FMN2: variants seen among roughly 807,000 people sequenced by gnomAD.
The protein encoded by FMN2 is formin 2.
In FMN2, 51 loss-of-function variants were observed where a neutral mutation model predicts 142.3. The observed-to-expected ratio is 0.36, with a 90% confidence interval of 0.29 to 0.45. FMN2 has a LOEUF of 0.45. Among genes scored for constraint, FMN2 ranks in the 20% least tolerant of loss-of-function variants. The probability of loss-of-function intolerance (pLI) is 1.00; values close to 1 mark genes in which losing one functional copy is unlikely to be tolerated. For missense variants in FMN2, 1,936 were observed against 2,122.8 expected, an observed-to-expected ratio of 0.91 and a Z score of 1.73; for synonymous variants, 882 against 869.8, an observed-to-expected ratio of 1.01 and a Z score of -0.25.
At chr1:240,340,276 A>G (rs750988475) in intron 13 of FMN2, among the ~76,000 whole-genome samples, 3 of 151,906 alleles carry the variant, frequency 2.0e-5, no homozygotes, top group Non-Finnish European at 2.9e-5. Flanking sequence ...GTGTGAGTGA[A>G]TGGGTGTTAA....
rs565189382 is a variant in FMN2, at chr1:240,092,723, TGCAGCAGCAGCA to T, written c.626_637del (p.Gln209_Gln212del). 2.1e-5 allele frequency: 34 copies of T among 1,612,944 alleles called. No individual in the cohort carries two copies. The African/African-American group carries it at 3.5e-4, about 16-fold the overall frequency. On this transcript the variant is annotated inframe_deletion, in exon 1 of 18. Transcript: ENST00000319653. ...TCAGACATCCAGCAGGCGATCCGCC[TGCAGCAGCAGCA>T]GCAGCAGCAGCTCCAGCTCCAGCTC...
chr1:240,226,269 A>G (rs1667294387), intron 6 of FMN2, among the ~76,000 whole-genome samples: 2 of 152,232 alleles, frequency 1.3e-5, no homozygotes, highest in African/African-American at 4.8e-5. Flanking sequence ...AAAGCTAACA[A>G]TTAAAAAGTA....
chr1:240,305,952 T>TTTTTTTTTG lies in FMN2; in HGVS notation c.4215+11077_4215+11078insGTTTTTTTT, dbSNP rs1491397076. ...TTTCTAGACTAGATATGCTTGTAAG[T>TTTTTTTTTG]TTTTTTTTTTTTTTTGAGGTGAAAT... On this transcript the variant is annotated intron_variant, in intron 8 of 17. Transcript: ENST00000319653. Among the ~76,000 whole-genome samples the TTTTTTTTTG allele has an allele frequency of 4.6e-3, 364 of 79,328 alleles. 6 individuals are homozygous for TTTTTTTTTG. The highest frequency in any genetic ancestry group is 0.014 in the African/African-American group (347 of 24,558). 52.0% of individuals were successfully genotyped at this position (79,328 alleles called of 152,430 possible).
At chr1:240,440,284 T>G (rs1489255965) in intron 16 of FMN2, among the ~76,000 whole-genome samples, 1 of 152,168 alleles carries the variant, frequency 6.6e-6, no homozygotes, top group East Asian at 1.9e-4. Flanking sequence ...TTCAGATGCT[T>G]TGCTCCCTAA....
At chr1:240,226,898 A>T (rs2103433781) in intron 6 of FMN2, among the ~76,000 whole-genome samples, 1 of 152,176 alleles carries the variant, frequency 6.6e-6, no homozygotes, top group African/African-American at 2.4e-5. Flanking sequence ...TCTGTGAAAA[A>T]CCCAGGGCTC....
At chr1:240,240,791 G>A (rs1667870438) in intron 6 of FMN2, among the ~76,000 whole-genome samples, 1 of 152,180 alleles carries the variant, frequency 6.6e-6, no homozygotes, top group Non-Finnish European at 1.5e-5. Flanking sequence ...ATATAGCTCA[G>A]CAGACTTGTA....
chr1:240,095,088 AC>A (rs1397696806), intron 1 of FMN2, among the ~76,000 whole-genome samples: 5 of 152,220 alleles, frequency 3.3e-5, no homozygotes, highest in African/African-American at 4.8e-5. Context: ...TTGTAAAAAA[AC>A]AAAAACAAAA....
intron 1 of FMN2, among the ~76,000 whole-genome samples, chr1:240,108,342 C>T (rs939515810): frequency 6.6e-6 from 1 of 152,176 alleles, no homozygotes; most frequent in Admixed American, 6.5e-5. Context: ...GGACCTAAAA[C>T]TAGACATGGT....
In FMN2 at chr1:240,114,856, C is replaced by T. The variant is rs185633957; in HGVS notation, c.1616-8323C>T. 2.3e-3 allele frequency among the ~76,000 whole-genome samples: 357 copies of T among 152,146 alleles called. 1 individual carries two copies. Among genetic ancestry groups the T allele is most frequent in the African/African-American group, 8.5e-3 (352 of 41,512 alleles). On this transcript the variant is annotated intron_variant, in intron 1 of 17. Coordinates refer to ENST00000319653, the MANE Select transcript of FMN2 (RefSeq NM_020066.5). Reference sequence around the variant, plus strand: ...TATTTTTAGTAGAGATGGGGTTTCACCATGTTGGCCAGGATGGTCTCGATC... The same window carrying T: ...TATTTTTAGTAGAGATGGGGTTTCATCATGTTGGCCAGGATGGTCTCGATC...
At chr1:240,109,768 C>T (rs868080613) in intron 1 of FMN2, among the ~76,000 whole-genome samples, 2 of 152,132 alleles carry the variant, frequency 1.3e-5, no homozygotes, top group Non-Finnish European at 2.9e-5. Flanking sequence ...CACTGACTCT[C>T]CCTGCGGTAT....
rs925285269 is a variant in FMN2 at position 240,277,699 on chromosome 1, A to AT, written c.4154-17116dup. On this transcript the variant is annotated intron_variant, in intron 7 of 17. Coordinates refer to ENST00000319653, the MANE Select transcript of FMN2 (RefSeq NM_020066.5). ...AGGCACCTGCCACCATGCCCGGCTA[A>AT]TTTTTTTGTATTTTTAGTAGAGACG... Among the ~76,000 whole-genome samples, 11 of 151,404 alleles carry AT rather than the reference A, an allele frequency of 7.3e-5. No individual in the cohort carries two copies. The South Asian group carries it at 2.3e-3, about 32-fold the overall frequency.
chr1:240,154,319 C>T (rs917837864), intron 2 of FMN2, among the ~76,000 whole-genome samples: 1 of 151,928 alleles, frequency 6.6e-6, no homozygotes, highest in African/African-American at 2.4e-5. Context: ...CAATAAACAC[C>T]CGTGTAAGTG....
rs115531837 is a variant in FMN2 at position 240,387,765 on chromosome 1, C to T, written c.4859-4746C>T. Among the ~76,000 whole-genome samples the T allele has an allele frequency of 6.4e-3, 972 of 152,200 alleles. 13 individuals carry two copies. Among genetic ancestry groups the T allele is most frequent in the African/African-American group, 0.022 (933 of 41,518 alleles). On this transcript the variant is annotated intron_variant, in intron 14 of 17. Coordinates refer to ENST00000319653, the MANE Select transcript of FMN2 (RefSeq NM_020066.5). ...GAGATTCCTACAATGGAAGACTTTT[C>T]ACATATTGCAAGCAATGCATCTCCA...
rs973557772 is a variant in FMN2 at position 240,465,473 on chromosome 1, A to G, written c.5061-6899A>G. Among the ~76,000 whole-genome samples the G allele has an allele frequency of 2.0e-5, 3 of 152,142 alleles. No individual in the cohort carries two copies. The South Asian group carries it at 6.2e-4, about 32-fold the overall frequency. On this transcript the variant is annotated intron_variant, in intron 16 of 17. Coordinates refer to ENST00000319653, the MANE Select transcript of FMN2 (RefSeq NM_020066.5). ...AGACCTGATGGTGTTATGTTTTAGT[A>G]AAGAATATTGTGAACTGGTAGTAAC...
At chr1:240,297,738 A>C (rs10926205) in intron 8 of FMN2, among the ~76,000 whole-genome samples, 31,315 of 152,116 alleles carry the variant, frequency 0.21, 3,452 homozygotes, top group Admixed American at 0.32. Context: ...GAAAGTAGAA[A>C]AAGTACTGTG....
At chr1:240,296,130 TTCTC>T (rs1189731485) in intron 8 of FMN2, among the ~76,000 whole-genome samples, 5 of 152,304 alleles carry the variant, frequency 3.3e-5, no homozygotes, top group African/African-American at 1.2e-4. Flanking sequence ...TTCTGCCTGT[TTCTC>T]TATACTGCTA....
At chr1:240,418,538 T>A (rs1462508856) in intron 15 of FMN2, among the ~76,000 whole-genome samples, 1 of 151,334 alleles carries the variant, frequency 6.6e-6, no homozygotes, top group Non-Finnish European at 1.5e-5. Context: ...CTTAGTAGTG[T>A]GTTTTTAAGT....
intron 13 of FMN2, among the ~76,000 whole-genome samples, chr1:240,337,544 G>C (rs535575574): frequency 6.6e-6 from 1 of 152,246 alleles, no homozygotes; most frequent in South Asian, 2.1e-4. Context: ...GTTATAACAA[G>C]GTTTAGAAAA....
At position 240,433,981 on chromosome 1, in the gene FMN2, T is replaced by TA. The variant is rs557296095; in HGVS notation, c.4911-4079dup. On this transcript the variant is annotated intron_variant, in intron 15 of 17. Transcript: ENST00000319653. ...GGTCCTGCTTCTGTAGCTATCATTTTAGAGCTCTGCAGGTACCTCGATTCC... is the reference window on the plus strand; with the variant it reads ...GGTCCTGCTTCTGTAGCTATCATTTTAAGAGCTCTGCAGGTACCTCGATTCC... Among the ~76,000 whole-genome samples the TA allele has an allele frequency of 8.5e-5, 13 of 152,344 alleles. No homozygotes were observed. The East Asian group carries it at 2.5e-3, about 29-fold the overall frequency.
Sources: allele counts gnomAD v4.1 joint callset (sites outside exome capture counted in the v4.1 genomes callset), GRCh38; gene constraint gnomAD v4.1.1; transcripts MANE v1.5; gene names NCBI Gene and HGNC (gene_info 2026-07-23, HGNC 2026-07-21).